Variants in RALYL observed in about 807,000 individuals in gnomAD.
RALYL encodes the protein RNA-binding Raly-like protein.
In RALYL, 29 loss-of-function variants were observed where a neutral mutation model predicts 35.1. That is an observed-to-expected ratio of 0.83 (90% CI 0.61 to 1.13). RALYL has a LOEUF of 1.13. Ranked by LOEUF, RALYL falls within the 50% of genes most tolerant of loss-of-function variation. The pLI, the probability that RALYL is intolerant of heterozygous loss-of-function variation, is 0.00. For synonymous variants in RALYL, 120 were observed against 127.6 expected, an observed-to-expected ratio of 0.94 and a Z score of 0.40; for missense variants, 359 against 360.4, an observed-to-expected ratio of 1.00 and a Z score of 0.03.
chr8:84,659,415 A>G (rs1207541544), intron 2 of RALYL, among the ~76,000 whole-genome samples: 3 of 152,078 alleles, frequency 2.0e-5, no homozygotes, highest in African/African-American at 4.8e-5. Context: ...TGGATCAGAC[A>G]TCAGATGAGG....
At chr8:84,370,491 C>T (rs1399108247) in intron 1 of RALYL, among the ~76,000 whole-genome samples, 1 of 151,656 alleles carries the variant, frequency 6.6e-6, no homozygotes, top group Non-Finnish European at 1.5e-5. Context: ...GTGTTTTGTG[C>T]TTGGGTGTAA....
intron 2 of RALYL, among the ~76,000 whole-genome samples, chr8:84,547,820 TTCTCTGGTAAATGTTTACCATGGG>T (rs1340978752): frequency 3.3e-5 from 5 of 152,178 alleles, no homozygotes; most frequent in African/African-American, 1.2e-4. Flanking sequence ...GAGAGTTGAG[TTCTCTGGTAAATGTTTACCATGGG>T]TCCTTACCCA....
At chr8:84,732,044 G>C (rs1846276104) in intron 2 of RALYL, among the ~76,000 whole-genome samples, 2 of 152,144 alleles carry the variant, frequency 1.3e-5, no homozygotes, top group African/African-American at 4.8e-5. Context: ...TTCCTCAGGA[G>C]TCTTCCTTGA....
At chr8:84,407,490 T>C (rs1563868433) in intron 1 of RALYL, among the ~76,000 whole-genome samples, 1 of 152,118 alleles carries the variant, frequency 6.6e-6, no homozygotes, top group Non-Finnish European at 1.5e-5. Context: ...ATCTACAGTG[T>C]TAAGATAAAT....
At chr8:84,436,853 A>AATTTATTT (rs1016150596) in intron 1 of RALYL, among the ~76,000 whole-genome samples, 5 of 151,478 alleles carry the variant, frequency 3.3e-5, no homozygotes, top group African/African-American at 4.8e-5. Context: ...CCCTCTAAAC[A>AATTTATTT]ATTTATTTAT....
At position 84,602,418 on chromosome 8, in the gene RALYL, C is replaced by G. The variant is rs1313506002; in HGVS notation, c.256+72841C>G. On this transcript the variant is annotated intron_variant, in intron 2 of 8. Coordinates refer to ENST00000521268, the MANE Select transcript of RALYL (RefSeq NM_173848.7). ...TTTATAGCCACTAACTTAGCCTAAG[C>G]TTTTGCAGTATTTCTCATCTGAATT... Among the ~76,000 whole-genome samples, 7 of 152,208 alleles carry G rather than the reference C, an allele frequency of 4.6e-5. No individual in the cohort carries two copies. The East Asian group carries it at 1.4e-3, about 29-fold the overall frequency.
chr8:84,566,028 G>A (rs1004670364), intron 2 of RALYL, among the ~76,000 whole-genome samples: 20 of 146,586 alleles, frequency 1.4e-4, no homozygotes, highest in African/African-American at 4.9e-4. Flanking sequence ...AATTAGGTCA[G>A]GCAAAAGTTC....
chr8:84,846,542 G>T (rs1208460104), intron 4 of RALYL, among the ~76,000 whole-genome samples: 1 of 152,198 alleles, frequency 6.6e-6, no homozygotes, highest in African/African-American at 2.4e-5. Context: ...GAGTTAGAGA[G>T]AAGTCTCTCC....
At chr8:84,906,586 T>C (rs568044394) in intron 8 of RALYL, among the ~76,000 whole-genome samples, 137 of 152,234 alleles carry the variant, frequency 9.0e-4, no homozygotes, top group African/African-American at 2.8e-3. Flanking sequence ...TCCCCAACTT[T>C]TTTCATACCT....
intron 4 of RALYL, among the ~76,000 whole-genome samples, chr8:84,841,304 C>T (rs1381506678): frequency 2.0e-5 from 3 of 152,048 alleles, no homozygotes; most frequent in Admixed American, 2.0e-4. Context: ...CAAAAAAAGG[C>T]AGGGGTTGCA....
At chr8:84,239,736 C>A (rs1827432546) in intron 1 of RALYL, among the ~76,000 whole-genome samples, 1 of 151,842 alleles carries the variant, frequency 6.6e-6, no homozygotes, top group African/African-American at 2.4e-5. Flanking sequence ...ACTAAAAATA[C>A]AAAAATTAGC....
At chr8:84,270,112 C>A (rs1834017564) in intron 1 of RALYL, among the ~76,000 whole-genome samples, 1 of 152,084 alleles carries the variant, frequency 6.6e-6, no homozygotes, top group African/African-American at 2.4e-5. Context: ...ATTGAGTGCT[C>A]ACCAGCAACG....
chr8:84,920,900 C>T lies in RALYL; in HGVS notation c.865C>T (p.Gln289Ter). 7.1e-7 allele frequency: 1 copy of T among 1,413,656 alleles called. No homozygotes were observed. The highest frequency in any genetic ancestry group is 9.4e-7 in the Non-Finnish European group (1 of 1,061,438). 87.6% of individuals were successfully genotyped at this position (1,413,656 alleles called of 1,614,324 possible). A position where few individuals can be genotyped will look rare whatever the true frequency, so the allele number is the denominator to read the frequency against. The change falls in exon 9 of 9, where the codon CAG (glutamine) becomes TAG (stop). Residue 289 changes from glutamine (Q) to a stop codon, truncating the protein, a stop_gained. Coordinates refer to ENST00000521268, the MANE Select transcript of RALYL (RefSeq NM_173848.7). LOFTEE classifies it high-confidence loss of function. ...TTTTTTTTTATTTTCTCAGTTTCTA[C>T]AGATAAAGTGATCTGAAATAACGCA... Reference protein sequence around the residue: ...DEDGGHELFLQIK With the variant: ...DEDGGHELFL
chr8:84,375,066 A>G (rs1040777018), intron 1 of RALYL, among the ~76,000 whole-genome samples: 1 of 151,756 alleles, frequency 6.6e-6, no homozygotes, highest in African/African-American at 2.4e-5. Flanking sequence ...TAGTAGGTGT[A>G]TATATTTAGG....
At chr8:84,709,449 TATAC>T (rs1176476665) in intron 2 of RALYL, among the ~76,000 whole-genome samples, 6 of 152,072 alleles carry the variant, frequency 3.9e-5, no homozygotes, top group Non-Finnish European at 7.4e-5. Flanking sequence ...TACATAAACA[TATAC>T]ATACATATAT....
At position 84,576,670 on chromosome 8, in the gene RALYL, A is replaced by G. The variant is rs80324206; in HGVS notation, c.256+47093A>G. On this transcript the variant is annotated intron_variant, in intron 2 of 8. Transcript: ENST00000521268. ...TAATGAAAATCACAGTGCCTAACTCATAGCATTTTTTAAAGATTAAGTAAA... is the reference window on the plus strand; with the variant it reads ...TAATGAAAATCACAGTGCCTAACTCGTAGCATTTTTTAAAGATTAAGTAAA... Among the ~76,000 whole-genome samples the G allele has an allele frequency of 5.1e-3, 780 of 152,308 alleles. 9 individuals are homozygous for G. The highest frequency in any genetic ancestry group is 0.018 in the African/African-American group (752 of 41,562).
intron 6 of RALYL, among the ~76,000 whole-genome samples, chr8:84,869,940 G>A (rs1981944): frequency 0.45 from 69,133 of 151,944 alleles, 18,644 homozygotes; most frequent in African/African-American, 0.74. Context: ...GTATCAGAAT[G>A]TAATAACATT....
chr8:84,809,185 C>T (rs987366991), intron 4 of RALYL, among the ~76,000 whole-genome samples: 2 of 151,094 alleles, frequency 1.3e-5, no homozygotes, highest in African/African-American at 4.8e-5. Context: ...AGAGTTTTAA[C>T]CATAAAAGGA....
At chr8:84,366,162 C>T (rs1353132195) in intron 1 of RALYL, among the ~76,000 whole-genome samples, 1 of 152,044 alleles carries the variant, frequency 6.6e-6, no homozygotes, top group Non-Finnish European at 1.5e-5. Context: ...GAAGGGAGGA[C>T]CCTACCTCTA....
Sources: gnomAD v4.1 joint callset for allele counts (sites outside exome capture counted in the v4.1 genomes callset) on GRCh38, gnomAD v4.1.1 for gene constraint, MANE v1.5 for transcripts, NCBI Gene and HGNC (gene_info 2026-07-23, HGNC 2026-07-21) for gene names.